Variants in LCOR observed in about 807,000 individuals in gnomAD.
LCOR encodes the protein ligand dependent nuclear receptor corepressor.
In LCOR, 14 loss-of-function variants were observed where a neutral mutation model predicts 64.4. The ratio of observed to expected loss-of-function variants is 0.22; its 90% CI spans 0.14 to 0.34. LCOR has a LOEUF of 0.34. LCOR is among the 10% of genes least tolerant of loss of function. The pLI is 1.00. For missense variants in LCOR, 1,686 were observed against 1,765.3 expected, an observed-to-expected ratio of 0.96 and a Z score of 0.80; for synonymous variants, 643 against 642.5, an observed-to-expected ratio of 1.00 and a Z score of -0.01.
intron 2 of LCOR, among the ~76,000 whole-genome samples, chr10:96,854,818 G>A (rs908639017): frequency 1.3e-5 from 2 of 152,178 alleles, no homozygotes; most frequent in South Asian, 2.1e-4. Flanking sequence ...ACTTCAGAGT[G>A]TAATTGCATT....
chr10:96,936,481 A>G (rs1169812157), intron 4 of LCOR, among the ~76,000 whole-genome samples: 2 of 152,216 alleles, frequency 1.3e-5, no homozygotes, highest in Non-Finnish European at 2.9e-5. Flanking sequence ...AATTAGGTAA[A>G]CTTTAGCACT....
At chr10:96,858,917 C>T in intron 2 of LCOR, among the ~76,000 whole-genome samples, 1 of 152,190 alleles carries the variant, frequency 6.6e-6, no homozygotes, top group East Asian at 1.9e-4. Context: ...CTGGCTCTCC[C>T]TGTCCTTTGC....
At position 96,995,770 on chromosome 10, in the gene LCOR, G is replaced by A. The variant is rs1848237267; in HGVS notation, c.*10636G>A. 6.6e-6 allele frequency: 1 copy of A among 152,100 alleles called. No individual in the cohort carries two copies. The highest frequency in any genetic ancestry group is 1.5e-5 in the Non-Finnish European group (1 of 68,008). 9.4% of individuals were successfully genotyped at this position (152,100 alleles called of 1,614,324 possible). A position where few individuals can be genotyped will look rare whatever the true frequency, so the allele number is the denominator to read the frequency against. ...CTGTGTTCTTGTTATTGGTAGAGGGGCCCTCACTGAAATCCAAGCTTGGAA... is the reference window on the plus strand; with the variant it reads ...CTGTGTTCTTGTTATTGGTAGAGGGACCCTCACTGAAATCCAAGCTTGGAA... On this transcript the variant is annotated 3_prime_UTR_variant, in exon 8 of 8. Coordinates refer to ENST00000421806, the MANE Select transcript of LCOR (RefSeq NM_001346516.2). This position sits in a 1 kb window ranked among gnomAD's most constrained non-coding sequence, Gnocchi z 4.2.
rs1252221030 is a variant in LCOR, at chr10:96,984,492, A to G, written c.4032A>G (p.Pro1344=). ...CPDALAVESK[P]SRKSVCINPL... ...ATGCTCTGGCTGTGGAAAGTAAGCCAAGTCGTAAGAGCGTATGCATCAACC... is the reference window on the plus strand; with the variant it reads ...ATGCTCTGGCTGTGGAAAGTAAGCCGAGTCGTAAGAGCGTATGCATCAACC... The change falls in exon 8 of 8, where the codon CCA becomes CCG. Residue 1344 remains proline (P), a synonymous_variant. Transcript: ENST00000421806. 6.2e-7 allele frequency: 1 copy of G among 1,614,122 alleles called. No individual in the cohort carries two copies. The highest frequency in any genetic ancestry group is 1.3e-5 in the African/African-American group (1 of 74,948).
At chr10:96,885,320 TTTG>T in intron 2 of LCOR, among the ~76,000 whole-genome samples, 1 of 152,296 alleles carries the variant, frequency 6.6e-6, no homozygotes, top group East Asian at 1.9e-4. Context: ...TTCTTAATCG[TTTG>T]TTGACTTGTC....
intron 2 of LCOR, among the ~76,000 whole-genome samples, chr10:96,872,760 C>T (rs1170277827): frequency 6.6e-6 from 1 of 152,152 alleles, no homozygotes; most frequent in East Asian, 1.9e-4. Context: ...ATAAAGACTA[C>T]CAGTTAATTC....
At position 96,833,055 on chromosome 10, in the gene LCOR, G is replaced by A. The variant is rs960706840; in HGVS notation, c.-403-351G>A. 4 of 986,310 alleles carry A rather than the reference G, an allele frequency of 4.1e-6. No individual in the cohort carries two copies. In the Admixed American group the frequency reaches 1.8e-4, roughly 45 times the overall value. 61.1% of individuals were successfully genotyped at this position (986,310 alleles called of 1,614,324 possible). A position where few individuals can be genotyped will look rare whatever the true frequency, so the allele number is the denominator to read the frequency against. ...AAGTGGGGTGTCATGGCCGCGGGGGGCAGCGGCTGCACTTCCTCAGCGGGC... is the reference window on the plus strand; with the variant it reads ...AAGTGGGGTGTCATGGCCGCGGGGGACAGCGGCTGCACTTCCTCAGCGGGC... On this transcript the variant is annotated intron_variant, in intron 1 of 7. Coordinates refer to ENST00000421806, the MANE Select transcript of LCOR (RefSeq NM_001346516.2).
In LCOR at chr10:96,984,764, A is replaced by G; in HGVS notation, c.4304A>G (p.Lys1435Arg). 2 of 1,613,760 alleles carry G rather than the reference A, an allele frequency of 1.2e-6. No individual in the cohort carries two copies. The highest frequency in any genetic ancestry group is 8.5e-7 in the Non-Finnish European group (1 of 1,179,950). ...GGAGCCACCAAAACCCCTGCTGCCA[A>G]GAGGCCAGCTGCAAGGGACAGAAGC... is the stretch of plus-strand genomic sequence containing the variant. ...ADGATKTPAAKRPAARDRSSQ... is the reference protein window; with the variant it reads ...ADGATKTPAARRPAARDRSSQ... Residue 1435 changes from lysine (K) to arginine (R), a missense_variant, in exon 8 of 8, where the codon AAG becomes AGG. Physicochemically the swap from Lys to Arg is conservative, Grantham distance 26. Coordinates refer to ENST00000421806, the MANE Select transcript of LCOR (RefSeq NM_001346516.2).
chr10:96,871,092 T>A (rs1846064870), intron 2 of LCOR, among the ~76,000 whole-genome samples: 3 of 152,200 alleles, frequency 2.0e-5, no homozygotes. Context: ...AATCTTGCTC[T>A]GTTGTCCAGG....
At chr10:96,841,449 C>T (rs1288636572) in intron 2 of LCOR, among the ~76,000 whole-genome samples, 1 of 150,576 alleles carries the variant, frequency 6.6e-6, no homozygotes, top group Non-Finnish European at 1.5e-5. Flanking sequence ...CAACCTCCAT[C>T]TCCCAGGCTG....
At chr10:96,921,152 C>T (rs527902502) in intron 4 of LCOR, among the ~76,000 whole-genome samples, 2 of 152,018 alleles carry the variant, frequency 1.3e-5, no homozygotes, top group African/African-American at 4.8e-5. Flanking sequence ...AATATTAACC[C>T]CATATCAGAT....
chr10:96,841,463 C>T (rs1440802483), intron 2 of LCOR, among the ~76,000 whole-genome samples: 1 of 150,648 alleles, frequency 6.6e-6, no homozygotes, highest in African/African-American at 2.5e-5. Flanking sequence ...CAGGCTGAAG[C>T]AATTATCTTG....
At chr10:96,974,910 T>C (rs1848025671) in intron 7 of LCOR, among the ~76,000 whole-genome samples, 1 of 152,254 alleles carries the variant, frequency 6.6e-6, no homozygotes, top group Admixed American at 6.5e-5. Context: ...GGCTCACACC[T>C]GTAATCCCAG....
intron 2 of LCOR, among the ~76,000 whole-genome samples, chr10:96,848,956 A>G (rs1435670067): frequency 1.3e-5 from 2 of 149,748 alleles, no homozygotes; most frequent in African/African-American, 2.4e-5. Context: ...TATGTTTTTG[A>G]AACTATCAAG....
At chr10:96,971,199 G>T (rs551064298) in intron 7 of LCOR, among the ~76,000 whole-genome samples, 4 of 152,114 alleles carry the variant, frequency 2.6e-5, no homozygotes, top group Non-Finnish European at 5.9e-5. Flanking sequence ...CATACTTACT[G>T]TCTGCCCTTC....
At chr10:96,973,098 T>C (rs1397404409) in intron 7 of LCOR, among the ~76,000 whole-genome samples, 1 of 152,232 alleles carries the variant, frequency 6.6e-6, no homozygotes, top group Non-Finnish European at 1.5e-5. Context: ...AAATTGCTTT[T>C]TCTGTATCTA....
intron 4 of LCOR, among the ~76,000 whole-genome samples, chr10:96,918,893 T>A (rs1024478186): frequency 6.6e-6 from 1 of 152,184 alleles, no homozygotes; most frequent in African/African-American, 2.4e-5. Context: ...TAACTGTACT[T>A]CTCTCATCTG....
intron 2 of LCOR, among the ~76,000 whole-genome samples, chr10:96,839,800 C>T (rs1845507995): frequency 6.6e-6 from 1 of 152,070 alleles, no homozygotes; most frequent in South Asian, 2.1e-4. Context: ...ATTCTCCTGC[C>T]TCAGCCTCCC....
At chr10:96,862,170 C>T (rs1194029891) in intron 2 of LCOR, among the ~76,000 whole-genome samples, 2 of 152,236 alleles carry the variant, frequency 1.3e-5, no homozygotes, top group Non-Finnish European at 2.9e-5. Flanking sequence ...TCCCTGGGCA[C>T]ACTACTCTCC....
Sources: allele counts gnomAD v4.1 joint callset (sites outside exome capture counted in the v4.1 genomes callset), GRCh38; gene constraint gnomAD v4.1.1; non-coding constraint Gnocchi (gnomAD v3.1); transcripts MANE v1.5; gene names NCBI Gene and HGNC (gene_info 2026-07-23, HGNC 2026-07-21).